DET1: variants seen among roughly 807,000 people sequenced by gnomAD.
DET1 encodes DET1 partner of COP1 E3 ubiquitin ligase.
In DET1, 22 loss-of-function variants were observed where a neutral mutation model predicts 43.7. The ratio of observed to expected loss-of-function variants is 0.50; its 90% CI spans 0.36 to 0.72. The LOEUF is 0.72. DET1 is among the 30% of genes least tolerant of loss of function. The pLI is 0.00. For synonymous variants in DET1, 315 were observed against 266.2 expected (o/e 1.18, Z -1.79); for missense variants, 713 against 713.3 (o/e 1.00, Z 0.00).
Position 88,530,944 on chromosome 15 carries a change from C to T in DET1, c.762G>A (p.Arg254=). Reference sequence around the variant, plus strand: ...CCTCATAGCAAAAGCGGCCAATGGTCCGCACATCAATGAAAGTGCCTTCAG... The same window carrying T: ...CCTCATAGCAAAAGCGGCCAATGGTTCGCACATCAATGAAAGTGCCTTCAG... ...VTPEGTFIDV[R]TIGRFCYEDD... is the part of the protein sequence containing the mutation. The change falls in exon 2 of 5, where the codon CGG becomes CGA. Residue 254 remains arginine, a synonymous_variant. Coordinates refer to ENST00000268148, the MANE Select transcript of DET1 (RefSeq NM_001144074.3). The T allele has an allele frequency of 1.2e-6, 2 of 1,613,996 alleles. No homozygotes were observed. Among genetic ancestry groups the T allele is most frequent in the Admixed American group, 1.7e-5 (1 of 60,016 alleles).
In DET1 at chr15:88,516,653, C is replaced by A. The variant is rs1338412654; in HGVS notation, c.1463+129G>T. 9.4e-6 allele frequency: 7 copies of A among 745,016 alleles called. No individual in the cohort carries two copies. In the East Asian group the frequency reaches 2.2e-4, roughly 24 times the overall value. 46.2% of individuals were successfully genotyped at this position (745,016 alleles called of 1,614,324 possible). A position where few individuals can be genotyped will look rare whatever the true frequency, so the allele number is the denominator to read the frequency against. On this transcript the variant is annotated intron_variant, in intron 4 of 4. Coordinates refer to ENST00000268148, the MANE Select transcript of DET1 (RefSeq NM_001144074.3). The surrounding 1 kb of genome is among the most constrained non-coding windows in gnomAD (Gnocchi z 4.4). ...AGCTCTCACTGCATTATAGAAATAG[C>A]CTGCCTTTTCAACCTTACCCATGAG...
Position 88,516,919 on chromosome 15 carries a change from G to T in DET1, c.1326C>A (p.Arg442=). ...AKYGGHTEAV[R]RLLGQLPISA... Reference sequence around the variant, plus strand: ...TGATGGGGAGCTGACCCAGCAGCCGGCGTACTGCCTCTGTGTGCCCTCCAT... The same window carrying T: ...TGATGGGGAGCTGACCCAGCAGCCGTCGTACTGCCTCTGTGTGCCCTCCAT... The change falls in exon 4 of 5, where the codon CGC becomes CGA. Residue 442 remains arginine, a synonymous_variant. Transcript: ENST00000268148. This position sits in a 1 kb window ranked among gnomAD's most constrained non-coding sequence, Gnocchi z 4.4. 6.2e-7 allele frequency: 1 copy of T among 1,608,952 alleles called. No homozygotes were observed. The highest frequency in any genetic ancestry group is 8.5e-7 in the Non-Finnish European group (1 of 1,177,634).
intron 1 of DET1, among the ~76,000 whole-genome samples, chr15:88,540,035 C>T (rs1040293448): frequency 6.6e-6 from 1 of 152,136 alleles, no homozygotes; most frequent in Non-Finnish European, 1.5e-5. Flanking sequence ...TAAAAATGAC[C>T]TGAGTGGTCC....
At chr15:88,513,349 A>G (rs966226320) in intron 4 of DET1, among the ~76,000 whole-genome samples, 4 of 152,220 alleles carry the variant, frequency 2.6e-5, no homozygotes, top group African/African-American at 4.8e-5. Context: ...AAATTTTACT[A>G]TGTTGCACTG....
In DET1 at chr15:88,531,544, G is replaced by C; in HGVS notation, c.162C>G (p.Asn54Lys). Residue 54 changes from asparagine to lysine, a missense_variant, in exon 2 of 5, where the codon AAC (asparagine) becomes AAG (lysine). By Grantham distance (94) the Asn-to-Lys change is moderately conservative (BLOSUM62 0). Coordinates refer to ENST00000268148, the MANE Select transcript of DET1 (RefSeq NM_001144074.3). This position sits in a 1 kb window ranked among gnomAD's most constrained non-coding sequence, Gnocchi z 6.2. ...QNVFPNFTVV[N>K]VEKPPCFLRK... is the part of the protein sequence containing the mutation. ...GCAAGAAACAAGGAGGCTTTTCAACGTTGACAACTGTGAAGTTGGGGAAGA... is the reference window on the plus strand; with the variant it reads ...GCAAGAAACAAGGAGGCTTTTCAACCTTGACAACTGTGAAGTTGGGGAAGA... 6.2e-7 allele frequency: 1 copy of C among 1,614,018 alleles called. No individual in the cohort carries two copies. The highest frequency in any genetic ancestry group is 8.5e-7 in the Non-Finnish European group (1 of 1,179,888).
Position 88,531,603 on chromosome 15 carries a change from G to A in DET1, c.103C>T (p.His35Tyr), listed in dbSNP as rs968996277. The A allele has an allele frequency of 6.2e-7, 1 of 1,614,008 alleles. No individual in the cohort carries two copies. The highest frequency in any genetic ancestry group is 2.2e-5 in the East Asian group (1 of 44,878). The change falls in exon 2 of 5, where the codon CAC becomes TAC. Residue 35 changes from histidine (H) to tyrosine (Y), a missense_variant. Physicochemically the swap from His to Tyr is moderately conservative, Grantham distance 83 (BLOSUM62 2). Coordinates refer to ENST00000268148, the MANE Select transcript of DET1 (RefSeq NM_001144074.3). This position sits in a 1 kb window ranked among gnomAD's most constrained non-coding sequence, Gnocchi z 6.2. ...TGGAACACTCGGACTTGGTGCCAGTGGGTACCTGCCTTGCCTGAACTGATC... is the reference window on the plus strand; with the variant it reads ...TGGAACACTCGGACTTGGTGCCAGTAGGTACCTGCCTTGCCTGAACTGATC... ...RRISSGKAGTHWHQVRVFHQN... is the reference protein window; with the variant it reads ...RRISSGKAGTYWHQVRVFHQN...
At chr15:88,529,602 G>A (rs2056759555) in intron 2 of DET1, among the ~76,000 whole-genome samples, 1 of 152,234 alleles carries the variant, frequency 6.6e-6, no homozygotes, top group African/African-American at 2.4e-5. Context: ...TGAGGTTTTA[G>A]GACACGATAC....
chr15:88,507,410 T>C (rs186789519), intron 7 of DET1, among the ~76,000 whole-genome samples: 1 of 152,332 alleles, frequency 6.6e-6, no homozygotes. Context: ...TCAATATCTA[T>C]CCATTTATTT....
chr15:88,510,767 T>C (rs912704727), downstream of DET1, among the ~76,000 whole-genome samples: 4 of 147,042 alleles, frequency 2.7e-5, no homozygotes, highest in Admixed American at 2.1e-4. Context: ...TTGTTTTTTT[T>C]TTTGTTTTTT....
rs184099925 is a variant in DET1, at chr15:88,512,828, A to T, written c.*123T>A. ...TCACTCCTCTCTCTGGCTCTCTCCC[A>T]TCTGAGGTATAGCAGGCTGGAACTA... On this transcript the variant is annotated 3_prime_UTR_variant, in exon 5 of 5. Coordinates refer to ENST00000268148, the MANE Select transcript of DET1 (RefSeq NM_001144074.3). The T allele has an allele frequency of 3.9e-5, 57 of 1,465,890 alleles. No homozygotes were observed. In the East Asian group the frequency reaches 1.3e-3, roughly 33 times the overall value. 90.8% of individuals were successfully genotyped at this position (1,465,890 alleles called of 1,614,324 possible). A position where few individuals can be genotyped will look rare whatever the true frequency, so the allele number is the denominator to read the frequency against.
At chr15:88,517,379 C>A (rs1259781395) in intron 3 of DET1, among the ~76,000 whole-genome samples, 1 of 151,966 alleles carries the variant, frequency 6.6e-6, no homozygotes. Context: ...GCACGTGCCA[C>A]CACACCCAGC....
rs1282121901 is a variant in DET1 at position 88,513,113 on chromosome 15, G to C, written c.1491C>G (p.Leu497=). ...IRFYARDSGL[L]KFEIQAGLLG... The stretch of plus-strand genomic sequence containing the variant: ...ATAACCCCGCCTGGATCTCAAACTT[G>C]AGCAGGCCCGAGTCCCGGGCATAGA... The change falls in exon 5 of 5, where the codon CTC becomes CTG. Residue 497 remains leucine, a synonymous_variant. Coordinates refer to ENST00000268148, the MANE Select transcript of DET1 (RefSeq NM_001144074.3). 9 of 1,613,306 alleles carry C rather than the reference G, an allele frequency of 5.6e-6. No homozygotes were observed. In the South Asian group the frequency reaches 9.9e-5, roughly 18 times the overall value.
rs185526446 is a variant in DET1, at chr15:88,504,985, T to G, written c.*2066-998A>C. 2 of 152,254 alleles carry G rather than the reference T, an allele frequency of 1.3e-5. No individual in the cohort carries two copies. Among genetic ancestry groups the G allele is most frequent in the African/African-American group, 2.4e-5 (1 of 41,476 alleles). 9.4% of individuals were successfully genotyped at this position (152,254 alleles called of 1,614,324 possible). ...TCATTTCGCGTGTGCCTTCCCATAGTTGATTAAGACAAATGCCAGTACCTT... is the reference window on the plus strand; with the variant it reads ...TCATTTCGCGTGTGCCTTCCCATAGGTGATTAAGACAAATGCCAGTACCTT... On this transcript the variant is annotated intron_variant and NMD_transcript_variant, in intron 7 of 8. Coordinates refer to the DET1 transcript ENST00000557842. The surrounding 1 kb of genome is among the most constrained non-coding windows in gnomAD (Gnocchi z 4.7).
intron 3 of DET1, among the ~76,000 whole-genome samples, chr15:88,521,091 C>T (rs550198503): frequency 6.6e-6 from 1 of 152,314 alleles, no homozygotes; most frequent in South Asian, 2.1e-4. Flanking sequence ...CCTACCTCCC[C>T]ACCCCAAATC....
chr15:88,527,920 C>CAAG (rs2056709856), intron 2 of DET1, 134 bp from the exon 3 acceptor site: 2 of 562,802 alleles, frequency 3.6e-6, no homozygotes, highest in Non-Finnish European at 5.6e-6. Context: ...ACAACAACAA[C>CAAG]AAGCAAACAC....
rs768434023 is a variant in DET1, at chr15:88,531,380, T to C, written c.326A>G (p.Asn109Ser). 1.1e-5 allele frequency: 18 copies of C among 1,613,906 alleles called. No homozygotes were observed. The highest frequency in any genetic ancestry group is 3.3e-5 in the Admixed American group (2 of 60,002). ...GYEGEILSNG[N>S]DQRSVNIRGR... ...CCGGATATTCACTGACCGCTGGTCA[T>C]TGCCATTGGACAGGATTTCTCCTTC... The change falls in exon 2 of 5, where the codon AAT becomes AGT. Residue 109 changes from asparagine to serine, a missense_variant. By Grantham distance (46) the Asn-to-Ser change is conservative. Transcript: ENST00000268148. The surrounding 1 kb of genome is among the most constrained non-coding windows in gnomAD (Gnocchi z 6.2).
intron 1 of DET1, among the ~76,000 whole-genome samples, chr15:88,535,277 A>G (rs1261690832): frequency 6.6e-6 from 1 of 152,182 alleles, no homozygotes; most frequent in Non-Finnish European, 1.5e-5. Context: ...AAGTCATCAG[A>G]GAAATGAGTC....
At chr15:88,503,322 A>T (rs2056106890) in intron 8 of DET1, 1 of 152,170 alleles carries the variant, frequency 6.6e-6, no homozygotes, top group Non-Finnish European at 1.5e-5. Context: ...AAGAGAAATT[A>T]TGTGGGATAT....
intron 4 of DET1, among the ~76,000 whole-genome samples, chr15:88,513,793 C>CTTTTTTT (rs55855042): frequency 1.3e-4 from 9 of 68,490 alleles, no homozygotes; most frequent in African/African-American, 2.0e-4. Flanking sequence ...AGAATAAATT[C>CTTTTTTT]TTTTTTTTTT....
Sources: allele counts gnomAD v4.1 joint callset (sites outside exome capture counted in the v4.1 genomes callset), GRCh38; gene constraint gnomAD v4.1.1; non-coding constraint Gnocchi (gnomAD v3.1); transcripts MANE v1.5; gene names NCBI Gene and HGNC (gene_info 2026-07-23, HGNC 2026-07-21).